The following PASK variants were observed in gnomAD, a reference collection of about 807,000 sequenced individuals.
PASK encodes PAS domain-containing serine/threonine-protein kinase.
A neutral mutation model predicts 121.0 loss-of-function variants in PASK; 110 were observed. That is an observed-to-expected ratio of 0.91 (90% CI 0.78 to 1.06). The LOEUF (loss-of-function observed/expected upper bound fraction) is 1.06. Among genes scored for constraint, PASK ranks in the 50% least tolerant of loss-of-function variants. PASK has a pLI of 0.00. For synonymous variants in PASK, 686 were observed against 717.8 expected (o/e 0.96, Z 0.71); for missense variants, 1,643 against 1,702.3 (o/e 0.97, Z 0.61).
chr2:241,126,022 C>T (rs919108799), intron 10 of PASK, among the ~76,000 whole-genome samples, 174 bp downstream of exon 10: 1 of 152,202 alleles, frequency 6.6e-6, no homozygotes, highest in Non-Finnish European at 1.5e-5. Flanking sequence ...CACACACATT[C>T]GTAATCTTAA....
At chr2:241,127,517 C>T (rs562642301) in intron 9 of PASK, 66 bp from the exon 10 acceptor site, 45 of 1,259,590 alleles carry the variant, frequency 3.6e-5, no homozygotes, top group South Asian at 1.1e-4. Flanking sequence ...GAGATTGCAC[C>T]GATTCTCCAT....
At chr2:241,122,653 A>G (rs2065664717) in intron 12 of PASK, 79 bp downstream of exon 12, 1 of 1,389,604 alleles carries the variant, frequency 7.2e-7, no homozygotes. Context: ...CAAAAACCCC[A>G]GGTTTGAGAA....
intron 9 of PASK, among the ~76,000 whole-genome samples, chr2:241,130,108 A>C (rs1157517618): frequency 6.6e-6 from 1 of 152,174 alleles, no homozygotes; most frequent in Non-Finnish European, 1.5e-5. Context: ...ATGCTTCCTA[A>C]CCCTGTTCTG....
intron 1 of PASK, among the ~76,000 whole-genome samples, chr2:241,148,076 G>A (rs947430374): frequency 2.6e-5 from 4 of 152,180 alleles, no homozygotes; most frequent in Admixed American, 2.0e-4. Flanking sequence ...ACGTTAACCA[G>A]AAATACCTGC....
At chr2:241,144,734 G>A (rs2066873274) in intron 1 of PASK, among the ~76,000 whole-genome samples, 1 of 152,184 alleles carries the variant, frequency 6.6e-6, no homozygotes, top group South Asian at 2.1e-4. Context: ...GGGTGAAGAG[G>A]AAAGGGGAGG....
chr2:241,147,392 C>A (rs765162068), intron 1 of PASK, among the ~76,000 whole-genome samples: 37 of 152,060 alleles, frequency 2.4e-4, no homozygotes, highest in Non-Finnish European at 4.7e-4. Context: ...GGAGGCCAGG[C>A]AGATTACTTG....
At chr2:241,120,338 C>T (rs903120533) in intron 12 of PASK, among the ~76,000 whole-genome samples, 6 of 151,972 alleles carry the variant, frequency 3.9e-5, no homozygotes, top group African/African-American at 1.2e-4. Context: ...ACTAAAAATA[C>T]AAAAATCAGC....
chr2:241,149,602 A>C (rs1485805923), upstream of PASK: 1 of 1,507,912 alleles, frequency 6.6e-7, no homozygotes, highest in African/African-American at 1.4e-5. Flanking sequence ...GTTGCTAGGG[A>C]CGCACCAAAC....
chr2:241,117,329 A>G (rs1340252397), intron 12 of PASK, among the ~76,000 whole-genome samples: 1 of 152,204 alleles, frequency 6.6e-6, no homozygotes, highest in African/African-American at 2.4e-5. Flanking sequence ...GAGGGGAAGC[A>G]GGCTGTGGTC....
intron 6 of PASK, among the ~76,000 whole-genome samples, chr2:241,137,708 A>C (rs915618561): frequency 6.6e-6 from 1 of 152,208 alleles, no homozygotes; most frequent in Non-Finnish European, 1.5e-5. Context: ...GCAGCGTCCC[A>C]GCATCCACCT....
chr2:241,126,124 G>A, intron 10 of PASK, 72 bp downstream of exon 10: 3 of 1,372,586 alleles, frequency 2.2e-6, no homozygotes, highest in Non-Finnish European at 3.1e-6. Context: ...CCCAGAACAA[G>A]GAAGGCCCTG....
At chr2:241,136,835 G>A (rs1311527780) in intron 7 of PASK, among the ~76,000 whole-genome samples, 169 bp downstream of exon 7, 3 of 152,206 alleles carry the variant, frequency 2.0e-5, no homozygotes, top group African/African-American at 4.8e-5. Flanking sequence ...GAAGGAGCTT[G>A]GCAGCCATGA....
chr2:241,127,357 C>A lies in PASK; in HGVS notation c.1558G>T (p.Val520Leu). The change falls in exon 10 of 18, where the codon GTG (valine) becomes TTG (leucine). Residue 520 changes from valine to leucine, a missense_variant. Transcript: ENST00000234040. Reference protein sequence around the residue: ...QITALGREEPVAIESPGQDLL... With the variant: ...QITALGREEPLAIESPGQDLL... The stretch of plus-strand genomic sequence containing the variant: ...TCCTGTCCGGGGCTCTCTATTGCCA[C>A]AGGTTCCTCTCTCCCCAAGGCAGTG... 6.2e-7 allele frequency: 1 copy of A among 1,614,206 alleles called. No homozygotes were observed. The highest frequency in any genetic ancestry group is 8.5e-7 in the Non-Finnish European group (1 of 1,180,014).
At chr2:241,118,683 C>T (rs1009202738) in intron 12 of PASK, 4 of 182,186 alleles carry the variant, frequency 2.2e-5, no homozygotes, top group Non-Finnish European at 4.6e-5. Flanking sequence ...GTAAAAGAGA[C>T]CAACTAAACG....
chr2:241,120,228 C>T (rs973079262), intron 12 of PASK, among the ~76,000 whole-genome samples: 1 of 152,124 alleles, frequency 6.6e-6, no homozygotes, highest in Non-Finnish European at 1.5e-5. Flanking sequence ...CACAGTGGCT[C>T]ACACCTGTAA....
chr2:241,127,193 C>T lies in PASK; in HGVS notation c.1722G>A (p.Glu574=), dbSNP rs1422702070. The part of the protein sequence containing the change: ...MCGLCQKAQL[E]RMGVSGPSGS... ...CGCTGGGACCACTGACTCCCATCCG[C>T]TCTAGCTGGGCCTTCTGACACAGGC... Residue 574 remains glutamate, a synonymous_variant, in exon 10 of 18, where the codon GAG becomes GAA. Transcript: ENST00000234040. The T allele has an allele frequency of 6.2e-7, 1 of 1,614,266 alleles. No homozygotes were observed. Among genetic ancestry groups the T allele is most frequent in the Non-Finnish European group, 8.5e-7 (1 of 1,180,056 alleles).
chr2:241,115,577 C>T (rs1304169633), intron 12 of PASK, among the ~76,000 whole-genome samples, 164 bp from the exon 13 acceptor site: 2 of 150,200 alleles, frequency 1.3e-5, no homozygotes, highest in Non-Finnish European at 3.0e-5. Flanking sequence ...TCCCATTACA[C>T]CAGGGCCACC....
In PASK at chr2:241,112,155, A is replaced by G; in HGVS notation, c.3533+85T>C. On this transcript the variant is annotated intron_variant, in intron 15 of 17. Transcript: ENST00000234040. The surrounding 1 kb of genome is among the most constrained non-coding windows in gnomAD (Gnocchi z 5.2). ...ACTCATCACAAAGAGGCACAAAGGA[A>G]GCCATTTTCCCACCCAAAATCAAGC... is the stretch of plus-strand genomic sequence containing the variant. The G allele has an allele frequency of 9.9e-7, 1 of 1,013,050 alleles. No homozygotes were observed. The highest frequency in any genetic ancestry group is 1.6e-6 in the Non-Finnish European group (1 of 636,084). 62.8% of individuals were successfully genotyped at this position (1,013,050 alleles called of 1,614,324 possible).
chr2:241,128,740 C>A (rs1020266365), intron 9 of PASK, among the ~76,000 whole-genome samples: 1 of 152,110 alleles, frequency 6.6e-6, no homozygotes, highest in Non-Finnish European at 1.5e-5. Flanking sequence ...GTGACACACA[C>A]CTGTAGTCTC....
Sources: allele counts gnomAD v4.1 joint callset (sites outside exome capture counted in the v4.1 genomes callset), GRCh38; gene constraint gnomAD v4.1.1; non-coding constraint Gnocchi (gnomAD v3.1); transcripts MANE v1.5; gene names NCBI Gene and HGNC (gene_info 2026-07-23, HGNC 2026-07-21).